The following HEATR5B variants were observed in gnomAD, a reference collection of about 807,000 sequenced individuals.
The protein encoded by HEATR5B is HEAT repeat containing 5B, also known as HEAT repeat-containing protein 5B.
HEATR5B carries 156 observed loss-of-function variants against 224.1 expected under a neutral mutation model. That is an observed-to-expected ratio of 0.70 (90% confidence interval 0.61 to 0.80). The LOEUF is 0.80. Ranked by LOEUF, HEATR5B falls within the 30% of genes least tolerant of loss-of-function variation. The probability of loss-of-function intolerance (pLI) is 0.00; values close to 1 mark genes in which losing one functional copy is unlikely to be tolerated. For synonymous variants in HEATR5B, 1,027 were observed against 893.0 expected, an observed-to-expected ratio of 1.15 and a Z score of -2.68; for missense variants, 2,323 against 2,535.5, an observed-to-expected ratio of 0.92 and a Z score of 1.80.
intron 34 of HEATR5B, among the ~76,000 whole-genome samples, chr2:36,989,694 G>T (rs2148331693): frequency 6.6e-6 from 1 of 152,184 alleles, no homozygotes; most frequent in Non-Finnish European, 1.5e-5. Context: ...ATGAAGGAAG[G>T]AAAGAAGGAA....
At chr2:36,995,600 A>G (rs1666646646) in intron 33 of HEATR5B, among the ~76,000 whole-genome samples, 1 of 152,218 alleles carries the variant, frequency 6.6e-6, no homozygotes, top group African/African-American at 2.4e-5. Flanking sequence ...AAAAGAGTAT[A>G]GGAGAGAAAG....
At chr2:37,038,523 C>A (rs1669659375) in intron 20 of HEATR5B, among the ~76,000 whole-genome samples, 1 of 152,190 alleles carries the variant, frequency 6.6e-6, no homozygotes, top group African/African-American at 2.4e-5. Flanking sequence ...ATTGCCTTAT[C>A]ATTATCACTT....
At chr2:36,995,966 G>A (rs1340869724) in intron 33 of HEATR5B, among the ~76,000 whole-genome samples, 3 of 151,350 alleles carry the variant, frequency 2.0e-5, no homozygotes, top group Non-Finnish European at 4.4e-5. Context: ...GCTCACTGCA[G>A]CCTCTGCCTC....
chr2:37,065,810 G>A lies in HEATR5B; in HGVS notation c.1278C>T (p.Ser426=). 8.1e-6 allele frequency: 13 copies of A among 1,613,930 alleles called. No homozygotes were observed. The highest frequency in any genetic ancestry group is 1.1e-5 in the Non-Finnish European group (13 of 1,179,900). ...VMVCALQELG[S]LVQSLNATAS... Reference sequence around the variant, plus strand: ...CGGTGGCATTCAAGCTCTGCACCAGGCTCCCGAGTTCCTGGAGGGCACAGA... The same window carrying A: ...CGGTGGCATTCAAGCTCTGCACCAGACTCCCGAGTTCCTGGAGGGCACAGA... Residue 426 remains serine (S), a synonymous_variant, in exon 9 of 36, where the codon AGC becomes AGT. Coordinates refer to ENST00000233099, the MANE Select transcript of HEATR5B (RefSeq NM_019024.3).
intron 33 of HEATR5B, among the ~76,000 whole-genome samples, chr2:36,997,911 T>C (rs550622850): frequency 1.3e-5 from 2 of 152,354 alleles, no homozygotes; most frequent in Non-Finnish European, 2.9e-5. Flanking sequence ...ATTTTCTTTG[T>C]TTTCCTGTTT....
chr2:37,011,819 T>C (rs564307726), intron 27 of HEATR5B, among the ~76,000 whole-genome samples: 14 of 152,320 alleles, frequency 9.2e-5, no homozygotes, highest in African/African-American at 3.4e-4. Context: ...TAAATAGTGT[T>C]GCAAGTAAAC....
intron 35 of HEATR5B, 121 bp from the exon 36 acceptor site, chr2:36,981,915 C>G (rs1665606545): frequency 5.3e-6 from 3 of 567,704 alleles, no homozygotes; most frequent in Admixed American, 3.7e-5. Context: ...GCACAGCCTA[C>G]TTTAGACCTC....
intron 9 of HEATR5B, 27 bp from the exon 10 acceptor site, chr2:37,065,017 C>G: frequency 6.2e-7 from 1 of 1,605,804 alleles, no homozygotes; most frequent in Non-Finnish European, 8.5e-7. Context: ...CAAAATATTA[C>G]TCTTTAATGA....
chr2:37,044,260 G>T (rs1302202684), intron 18 of HEATR5B, among the ~76,000 whole-genome samples: 2 of 152,098 alleles, frequency 1.3e-5, no homozygotes, highest in Non-Finnish European at 2.9e-5. Context: ...GTTGCCTTAG[G>T]TCCCTTTGTT....
chr2:36,999,302 T>G (rs1384329720), intron 33 of HEATR5B, among the ~76,000 whole-genome samples: 1 of 152,138 alleles, frequency 6.6e-6, no homozygotes, highest in Non-Finnish European at 1.5e-5. Context: ...TAGTGACAGG[T>G]ACTTCAATTT....
intron 21 of HEATR5B, among the ~76,000 whole-genome samples, chr2:37,037,159 T>TATATATATATATA (rs1448007926): frequency 1.2e-4 from 17 of 139,332 alleles, no homozygotes; most frequent in Non-Finnish European, 2.4e-4. Flanking sequence ...TATATATATA[T>TATATATATATATA]TTTGGAGATG....
intron 17 of HEATR5B, among the ~76,000 whole-genome samples, chr2:37,050,173 G>A (rs984707188): frequency 2.6e-5 from 4 of 152,190 alleles, no homozygotes; most frequent in East Asian, 1.9e-4. Flanking sequence ...GATTACAGGC[G>A]CACCTGGCCT....
intron 30 of HEATR5B, among the ~76,000 whole-genome samples, chr2:37,004,140 A>G (rs1667265555): frequency 6.6e-6 from 1 of 152,036 alleles, no homozygotes. Flanking sequence ...TAAGCTTCTT[A>G]CTCACAATCT....
In HEATR5B at chr2:37,084,278, T is replaced by A; in HGVS notation, c.-32A>T. ...GCTTCGGCGACCTCACCTCGTAGTC[T>A]GGAAGGGAAGATCAGCTGAGCTCCG... On this transcript the variant is annotated 5_prime_UTR_variant, in exon 1 of 36. Coordinates refer to ENST00000233099, the MANE Select transcript of HEATR5B (RefSeq NM_019024.3). 2.5e-6 allele frequency: 1 copy of A among 393,408 alleles called. No homozygotes were observed. The allele number at this position is 393,408 out of a possible 1,614,324, so 24.4% of individuals were successfully genotyped here.
intron 26 of HEATR5B, among the ~76,000 whole-genome samples, chr2:37,016,893 A>C (rs1668149960): frequency 6.6e-6 from 1 of 152,220 alleles, no homozygotes; most frequent in Non-Finnish European, 1.5e-5. Context: ...GGCAAAACTT[A>C]AAATGCCAGT....
Position 37,070,345 on chromosome 2 carries a change from A to G in HEATR5B, c.812T>C (p.Leu271Ser). ...CAGAAATCCTGTGGCCATGAGTTCT[A>G]AGACTTCATCAAATGTTGCTCGCTT... ...NVKRATFDEVLELMATGFLRG... is the reference protein window; with the variant it reads ...NVKRATFDEVSELMATGFLRG... Residue 271 changes from leucine to serine, a missense_variant, in exon 7 of 36, where the codon TTA becomes TCA. Physicochemically the swap from Leu to Ser is moderately radical, Grantham distance 145. Around this residue, in one of 12 missense-constraint regions of HEATR5B, gnomAD observed 292 missense variants for 332.6 expected, o/e 0.88. Coordinates refer to ENST00000233099, the MANE Select transcript of HEATR5B (RefSeq NM_019024.3). 6.2e-7 allele frequency: 1 copy of G among 1,614,032 alleles called. No individual in the cohort carries two copies. Among genetic ancestry groups the G allele is most frequent in the Non-Finnish European group, 8.5e-7 (1 of 1,179,892 alleles).
Position 37,072,134 on chromosome 2 carries a change from C to T in HEATR5B, c.745G>A (p.Ala249Thr), listed in dbSNP as rs1013470748. 2.3e-5 allele frequency: 37 copies of T among 1,613,038 alleles called. No homozygotes were observed. The highest frequency in any genetic ancestry group is 3.1e-5 in the Non-Finnish European group (36 of 1,179,494). ...SKLLGTVMATALMPKQATVMR... is the reference protein window; with the variant it reads ...SKLLGTVMATTLMPKQATVMR... Reference sequence around the variant, plus strand: ...CCTGTTGCCTGTTTTGGCATTAATGCTGTGGCCATGACTGTTCCTAAAAGT... The same window carrying T: ...CCTGTTGCCTGTTTTGGCATTAATGTTGTGGCCATGACTGTTCCTAAAAGT... Residue 249 changes from alanine to threonine, a missense_variant, in exon 6 of 36, where the codon GCA becomes ACA. Ala to Thr is a moderately conservative substitution (Grantham distance 58). This residue lies in a region of HEATR5B where 292 missense variants were observed against 332.6 expected (regional missense o/e 0.88). Transcript: ENST00000233099.
At position 36,984,215 on chromosome 2, in the gene HEATR5B, A is replaced by AAAATAT; in HGVS notation, c.5912-2422_5912-2421insATATTT. On this transcript the variant is annotated intron_variant, in intron 35 of 35. Transcript: ENST00000233099. ...AACTCTGTCTCAAAAAAAAAAAAAA[A>AAAATAT]ATATATATATATATATATATATAAA... 2.2e-4 allele frequency among the ~76,000 whole-genome samples: 17 copies of AAAATAT among 77,638 alleles called. 2 individuals are homozygous for AAAATAT. The highest frequency in any genetic ancestry group is 8.2e-4 in the African/African-American group (14 of 17,024). 50.9% of individuals were successfully genotyped at this position (77,638 alleles called of 152,430 possible).
chr2:36,998,907 T>C (rs576507615), intron 33 of HEATR5B, among the ~76,000 whole-genome samples: 1 of 152,118 alleles, frequency 6.6e-6, no homozygotes, highest in South Asian at 2.1e-4. Flanking sequence ...TATAGATAGA[T>C]ATTTCTAAGA....
Sources: allele counts gnomAD v4.1 joint callset (sites outside exome capture counted in the v4.1 genomes callset), GRCh38; gene constraint gnomAD v4.1.1; regional missense constraint gnomAD v4.1.1; transcripts MANE v1.5; gene names NCBI Gene and HGNC (gene_info 2026-07-23, HGNC 2026-07-21).